KDM4B: variants seen among roughly 807,000 people sequenced by gnomAD.
KDM4B encodes lysine demethylase 4B, also known as lysine-specific demethylase 4B.
A neutral mutation model predicts 125.2 loss-of-function variants in KDM4B; 32 were observed. That is an observed-to-expected ratio of 0.26 (90% CI 0.19 to 0.34). KDM4B has a LOEUF of 0.34. Among genes scored for constraint, KDM4B ranks in the 10% least tolerant of loss-of-function variants. The pLI, the probability that KDM4B is intolerant of heterozygous loss-of-function variation, is 1.00. For synonymous variants in KDM4B, 721 were observed against 677.9 expected (o/e 1.06, Z -0.99); for missense variants, 1,190 against 1,577.7 (o/e 0.75, Z 4.16).
intron 21 of KDM4B, among the ~76,000 whole-genome samples, chr19:5,147,560 C>T (rs557471392): frequency 5.9e-5 from 9 of 151,998 alleles, no homozygotes; most frequent in South Asian, 2.1e-4. Flanking sequence ...GCCTGGGCAA[C>T]GCAGCAAAAC....
chr19:5,119,618 G>T (rs1453024455), intron 10 of KDM4B, 35 bp from the exon 11 acceptor site: 42 of 1,540,074 alleles, frequency 2.7e-5, no homozygotes, highest in Non-Finnish European at 3.7e-5. Flanking sequence ...TCCCTCCCTG[G>T]TCTCCCCTCC....
intron 13 of KDM4B, among the ~76,000 whole-genome samples, chr19:5,133,558 C>T (rs2039595446): frequency 6.6e-6 from 1 of 152,194 alleles, no homozygotes; most frequent in African/African-American, 2.4e-5. Flanking sequence ...GGTGAGTGGA[C>T]GGCTCTGGAT....
intron 22 of KDM4B, 58 bp downstream of exon 22, chr19:5,150,508 G>A (rs750036334): frequency 2.4e-6 from 3 of 1,267,536 alleles, no homozygotes; most frequent in Middle Eastern, 2.4e-4. Flanking sequence ...CGTCTGGGAC[G>A]AGGCAGGGCA....
At chr19:5,012,312 C>T (rs910719248) in intron 1 of KDM4B, among the ~76,000 whole-genome samples, 1 of 152,214 alleles carries the variant, frequency 6.6e-6, no homozygotes, top group African/African-American at 2.4e-5. Flanking sequence ...ACCCCCCACC[C>T]GTTTTCCTTG....
chr19:5,119,509 C>G (rs2039320589), intron 10 of KDM4B, 144 bp from the exon 11 acceptor site: 1 of 838,796 alleles, frequency 1.2e-6, no homozygotes, highest in South Asian at 1.5e-5. Context: ...TCCCTTTACC[C>G]CCGGCCTCCA....
Position 5,115,725 on chromosome 19 carries a change from AAG to A in KDM4B, c.1116-3925_1116-3924del, listed in dbSNP as rs765514634. On this transcript the variant is annotated intron_variant, in intron 10 of 22. Transcript: ENST00000159111. This position sits in a 1 kb window ranked among gnomAD's most constrained non-coding sequence, Gnocchi z 4.2. ...GGGCCGGGACTTTGCATTATGGAAA[AAG>A]AGCCATTGCTGTGAAGAAGAAACAT... Among the ~76,000 whole-genome samples the A allele has an allele frequency of 5.3e-5, 8 of 152,216 alleles. No homozygotes were observed. Among genetic ancestry groups the A allele is most frequent in the Non-Finnish European group, 4.4e-5 (3 of 68,042 alleles).
intron 9 of KDM4B, among the ~76,000 whole-genome samples, chr19:5,090,917 A>G (rs1011796173): frequency 2.6e-5 from 4 of 151,926 alleles, no homozygotes; most frequent in Non-Finnish European, 4.4e-5. Flanking sequence ...TCCTGTGCAC[A>G]GCCCGGTGGG....
At chr19:5,050,191 T>G (rs1290817332) in intron 6 of KDM4B, among the ~76,000 whole-genome samples, 1 of 152,254 alleles carries the variant, frequency 6.6e-6, no homozygotes, top group Non-Finnish European at 1.5e-5. Context: ...CAGCATTTTA[T>G]TAAAGCTTTC....
Position 5,141,651 on chromosome 19 carries a change from G to A in KDM4B, c.2551-2316G>A, listed in dbSNP as rs1371934273. ...TTACCCATCCGTCAGTTTGTCTCCA[G>A]GACTTCTCCAGCCACCGGCTCAGGG... On this transcript the variant is annotated intron_variant, in intron 18 of 22. Coordinates refer to ENST00000159111, the MANE Select transcript of KDM4B (RefSeq NM_015015.3). The surrounding 1 kb of genome is among the most constrained non-coding windows in gnomAD (Gnocchi z 6.4). 6.6e-6 allele frequency: 1 copy of A among 152,264 alleles called. No individual in the cohort carries two copies. Among genetic ancestry groups the A allele is most frequent in the African/African-American group, 2.4e-5 (1 of 41,454 alleles). 9.4% of individuals were successfully genotyped at this position (152,264 alleles called of 1,614,324 possible). A position where few individuals can be genotyped will look rare whatever the true frequency, so the allele number is the denominator to read the frequency against.
intron 1 of KDM4B, among the ~76,000 whole-genome samples, chr19:4,970,490 C>T (rs966992726): frequency 3.9e-5 from 6 of 152,090 alleles, no homozygotes; most frequent in Non-Finnish European, 7.4e-5. Flanking sequence ...GGATACTGGA[C>T]TGAATTCAAG....
In KDM4B at chr19:5,033,014, C is replaced by T. The variant is rs1752663858; in HGVS notation, c.124C>T (p.Arg42Trp). ...CTACATAGAGTCGCAGGGAGCCCAC[C>T]GGGCGGGCCTGGCCAAGGTGGGTGA... The part of the protein sequence containing the change: ...VAYIESQGAH[R>W]AGLAKIIPPK... Residue 42 changes from arginine to tryptophan, a missense_variant, in exon 3 of 23, where the codon CGG becomes TGG. Physicochemically the swap from Arg to Trp is moderately radical, Grantham distance 101. Transcript: ENST00000159111. 1 of 1,613,612 alleles carries T rather than the reference C, an allele frequency of 6.2e-7. No homozygotes were observed. The highest frequency in any genetic ancestry group is 8.5e-7 in the Non-Finnish European group (1 of 1,179,886).
chr19:5,100,115 C>T (rs1446429135), intron 9 of KDM4B, among the ~76,000 whole-genome samples: 1 of 152,192 alleles, frequency 6.6e-6, no homozygotes, highest in Non-Finnish European at 1.5e-5. Context: ...GTTTTTCTCC[C>T]TTCTGGAGGC....
In KDM4B at chr19:5,150,384, G is replaced by A. The variant is rs943423839; in HGVS notation, c.3048G>A (p.Leu1016=). 49 of 1,551,314 alleles carry A rather than the reference G, an allele frequency of 3.2e-5. No individual in the cohort carries two copies. Among genetic ancestry groups the A allele is most frequent in the Non-Finnish European group, 3.7e-5 (43 of 1,146,994 alleles). The change falls in exon 22 of 23, where the codon CTG becomes CTA. Residue 1016 remains leucine, a synonymous_variant. Coordinates refer to ENST00000159111, the MANE Select transcript of KDM4B (RefSeq NM_015015.3). ...TGGAGTTTGAGGACGGGTCCCAGCT[G>A]ACGGTGAAGCGTGGGGACATCTTCA... The part of the protein sequence containing the change: ...YQVEFEDGSQ[L]TVKRGDIFTL...
In KDM4B at chr19:5,132,153, G is replaced by T. The variant is rs937363296; in HGVS notation, c.1906+146G>T. The T allele has an allele frequency of 3.8e-6, 4 of 1,048,320 alleles. No homozygotes were observed. In the African/African-American group the frequency reaches 4.8e-5, roughly 13 times the overall value. The allele number at this position is 1,048,320 out of a possible 1,614,324, so 64.9% of individuals were successfully genotyped here. A position where few individuals can be genotyped will look rare whatever the true frequency, so the allele number is the denominator to read the frequency against. Reference sequence around the variant, plus strand: ...ACCCAGGCCTTTCTGTGGCTCTGCCGTAGCGACAGGCTGTCACTGGGGCAG... The same window carrying T: ...ACCCAGGCCTTTCTGTGGCTCTGCCTTAGCGACAGGCTGTCACTGGGGCAG... On this transcript the variant is annotated intron_variant, in intron 13 of 22. Transcript: ENST00000159111.
At chr19:5,148,954 G>C (rs193032643) in intron 21 of KDM4B, among the ~76,000 whole-genome samples, 2 of 152,310 alleles carry the variant, frequency 1.3e-5, no homozygotes, top group African/African-American at 4.8e-5. Flanking sequence ...GTGTGCTGTC[G>C]TCCCAGGACA....
chr19:5,057,532 C>T (rs979025579), intron 6 of KDM4B, among the ~76,000 whole-genome samples: 8 of 152,222 alleles, frequency 5.3e-5, no homozygotes, highest in African/African-American at 9.7e-5. Flanking sequence ...TCATTTTGAT[C>T]GTAAGCCTTG....
rs1439136571 is a variant in KDM4B at position 5,142,941 on chromosome 19, A to G, written c.2551-1026A>G. ...CCAGGGCCCCGGTGCTGGCTCGGGC[A>G]GGTGTTGCAGCGGGAGCCTCAAGGG... On this transcript the variant is annotated intron_variant, in intron 18 of 22. Transcript: ENST00000159111. This position sits in a 1 kb window ranked among gnomAD's most constrained non-coding sequence, Gnocchi z 5.4. Among the ~76,000 whole-genome samples, 1 of 152,014 alleles carries G rather than the reference A, an allele frequency of 6.6e-6. No homozygotes were observed. The highest frequency in any genetic ancestry group is 2.4e-5 in the African/African-American group (1 of 41,388).
rs1208488000 is a variant in KDM4B at position 5,114,390 on chromosome 19, C to T, written c.1115+3572C>T. ...TTGGCCTGTCGCCCCTGCGCCAGTG[C>T]AGGACACCGCCACGCCTCTGGCCCC... On this transcript the variant is annotated intron_variant, in intron 10 of 22. Coordinates refer to ENST00000159111, the MANE Select transcript of KDM4B (RefSeq NM_015015.3). This position sits in a 1 kb window ranked among gnomAD's most constrained non-coding sequence, Gnocchi z 5.8. 1 of 513,816 alleles carries T rather than the reference C, an allele frequency of 1.9e-6. No individual in the cohort carries two copies. Among genetic ancestry groups the T allele is most frequent in the Non-Finnish European group, 3.6e-6 (1 of 281,616 alleles). The allele number at this position is 513,816 out of a possible 1,614,324, so 31.8% of individuals were successfully genotyped here. A position where few individuals can be genotyped will look rare whatever the true frequency, so the allele number is the denominator to read the frequency against.
intron 9 of KDM4B, among the ~76,000 whole-genome samples, chr19:5,099,997 T>C (rs921246083): frequency 6.6e-6 from 1 of 152,254 alleles, no homozygotes; most frequent in African/African-American, 2.4e-5. Flanking sequence ...GGCGGATAGT[T>C]TGGCTGGGTA....
Sources: allele counts gnomAD v4.1 joint callset (sites outside exome capture counted in the v4.1 genomes callset), GRCh38; gene constraint gnomAD v4.1.1; non-coding constraint Gnocchi (gnomAD v3.1); transcripts MANE v1.5; gene names NCBI Gene and HGNC (gene_info 2026-07-23, HGNC 2026-07-21).